Variants in KLHL29 observed in about 807,000 individuals in gnomAD.
KLHL29 encodes the protein kelch-like protein 29.
In KLHL29, 21 loss-of-function variants were observed where a neutral mutation model predicts 80.4. That is an observed-to-expected ratio of 0.26 (90% confidence interval 0.19 to 0.38). The LOEUF is 0.38. KLHL29 is among the 10% of genes least tolerant of loss of function. The pLI is 1.00. For synonymous variants in KLHL29, 511 were observed against 526.8 expected (o/e 0.97, Z 0.41); for missense variants, 867 against 1,223.9 (o/e 0.71, Z 4.35).
chr2:23,519,145 A>G (rs933028087), intron 2 of KLHL29, among the ~76,000 whole-genome samples: 4 of 152,176 alleles, frequency 2.6e-5, no homozygotes, highest in African/African-American at 7.2e-5. Context: ...CCCAGAGGCT[A>G]TGTCAGAAGC....
At chr2:23,691,583 G>C in intron 6 of KLHL29, 91 bp from the exon 7 acceptor site, 1 of 1,102,086 alleles carries the variant, frequency 9.1e-7, no homozygotes, top group South Asian at 1.4e-5. Context: ...CCAAGGGCAT[G>C]ACCAAGGTGT....
chr2:23,388,989 C>CTT (rs10691490), intron 1 of KLHL29, among the ~76,000 whole-genome samples: 16 of 106,852 alleles, frequency 1.5e-4, no homozygotes, highest in East Asian at 2.7e-4. Flanking sequence ...CTTTCTTCTT[C>CTT]TTTTTTTTTT....
At position 23,703,319 on chromosome 2, in the gene KLHL29, G is replaced by A. The variant is rs3795947; in HGVS notation, c.2239G>A (p.Val747Ile). 8.0e-5 allele frequency: 123 copies of A among 1,545,906 alleles called. 1 individual carries two copies. In the East Asian group the frequency reaches 1.4e-3, roughly 18 times the overall value. The change falls in exon 12 of 14, where the codon GTC (valine) becomes ATC (isoleucine). Residue 747 changes from valine (V) to isoleucine (I), a missense_variant. Val to Ile is a conservative substitution (Grantham distance 29). Around this residue, in one of 2 missense-constraint regions of KLHL29, gnomAD observed 443 missense variants for 767.0 expected, o/e 0.58. Coordinates refer to ENST00000486442, the MANE Select transcript of KLHL29 (RefSeq NM_052920.2). ...GVNEAGRAAGVLQSYVPQTNT... is the reference protein window; with the variant it reads ...GVNEAGRAAGILQSYVPQTNT... ...GAACGAGGCAGGCCGAGCTGCCGGC[G>A]TCCTCCAGTCTTACGTTCCTCAGAC...
chr2:23,572,413 C>T (rs1429844283), intron 3 of KLHL29, among the ~76,000 whole-genome samples: 1 of 152,180 alleles, frequency 6.6e-6, no homozygotes, highest in Admixed American at 6.5e-5. Context: ...ATAATTTTTG[C>T]TTACGTTCCT....
At chr2:23,392,379 T>C (rs1666340959) in intron 1 of KLHL29, among the ~76,000 whole-genome samples, 1 of 152,232 alleles carries the variant, frequency 6.6e-6, no homozygotes, top group Non-Finnish European at 1.5e-5. Flanking sequence ...AAAATACCCT[T>C]GAGTTGATTT....
intron 2 of KLHL29, among the ~76,000 whole-genome samples, chr2:23,517,895 G>A (rs1197771291): frequency 1.3e-5 from 2 of 152,202 alleles, no homozygotes; most frequent in African/African-American, 4.8e-5. Flanking sequence ...GGGTTAATGA[G>A]ATGGAGAGTG....
chr2:23,565,407 T>C (rs1667564351), intron 3 of KLHL29, among the ~76,000 whole-genome samples: 1 of 151,712 alleles, frequency 6.6e-6, no homozygotes. Flanking sequence ...AAAAGGCAGG[T>C]CTTCAGATAA....
At chr2:23,667,851 G>T (rs535640539) in intron 5 of KLHL29, 1 of 152,506 alleles carries the variant, frequency 6.6e-6, no homozygotes, top group East Asian at 1.9e-4. Context: ...ATGTATGCTT[G>T]TGATCGGGAG....
At chr2:23,505,337 C>T (rs1291881435) in intron 2 of KLHL29, among the ~76,000 whole-genome samples, 15 of 152,202 alleles carry the variant, frequency 9.9e-5, no homozygotes, top group Non-Finnish European at 1.5e-4. Flanking sequence ...GGTGTTCTCT[C>T]GAGGCATGTG....
At chr2:23,468,511 T>C (rs1010318271) in intron 1 of KLHL29, among the ~76,000 whole-genome samples, 1 of 152,180 alleles carries the variant, frequency 6.6e-6, no homozygotes, top group Non-Finnish European at 1.5e-5. Flanking sequence ...CAAGAGGCCA[T>C]GCCCTAAAGG....
At chr2:23,620,217 G>A (rs1383358798) in intron 3 of KLHL29, among the ~76,000 whole-genome samples, 1 of 152,234 alleles carries the variant, frequency 6.6e-6, no homozygotes, top group Non-Finnish European at 1.5e-5. Flanking sequence ...CAGCCCAGGG[G>A]TGGTGAGAGG....
chr2:23,589,406 G>T (rs979442808), intron 3 of KLHL29, among the ~76,000 whole-genome samples: 1 of 152,226 alleles, frequency 6.6e-6, no homozygotes, highest in African/African-American at 2.4e-5. Flanking sequence ...AGGTGGAGGC[G>T]GCCCTGGGCC....
intron 2 of KLHL29, among the ~76,000 whole-genome samples, chr2:23,511,300 T>G (rs1314771914): frequency 6.6e-6 from 1 of 152,132 alleles, no homozygotes; most frequent in African/African-American, 2.4e-5. Context: ...AAATAAAGGG[T>G]ACAGCACAGC....
At position 23,522,208 on chromosome 2, in the gene KLHL29, G is replaced by A. The variant is rs535355253; in HGVS notation, c.-45-39944G>A. 2.6e-5 allele frequency among the ~76,000 whole-genome samples: 4 copies of A among 152,162 alleles called. No individual in the cohort carries two copies. The East Asian group carries it at 5.8e-4, about 22-fold the overall frequency. ...CTGTTGCCCAGGCTGGAGTGCAGTG[G>A]CATGATCTTGGCTCATGGCAACCTC... On this transcript the variant is annotated intron_variant, in intron 2 of 13. Coordinates refer to ENST00000486442, the MANE Select transcript of KLHL29 (RefSeq NM_052920.2).
chr2:23,526,685 C>T (rs1335443011), intron 2 of KLHL29, among the ~76,000 whole-genome samples: 1 of 152,152 alleles, frequency 6.6e-6, no homozygotes, highest in Non-Finnish European at 1.5e-5. Context: ...GCCCTCCACA[C>T]CCAGCTCACA....
intron 3 of KLHL29, among the ~76,000 whole-genome samples, chr2:23,594,434 A>G (rs1269110486): frequency 6.6e-6 from 1 of 151,746 alleles, no homozygotes; most frequent in Non-Finnish European, 1.5e-5. Context: ...AATCCCAGAC[A>G]CTCAGGAGCT....
At chr2:23,703,439 G>C in intron 12 of KLHL29, 60 bp downstream of exon 12, 1 of 1,358,182 alleles carries the variant, frequency 7.4e-7, no homozygotes, top group Non-Finnish European at 9.8e-7. Flanking sequence ...TTGCTGATTT[G>C]TTCAGTATCC....
chr2:23,627,750 G>C (rs1007968303), intron 3 of KLHL29, among the ~76,000 whole-genome samples: 1 of 152,062 alleles, frequency 6.6e-6, no homozygotes, highest in African/African-American at 2.4e-5. Context: ...CAAGAGTCGA[G>C]CTCTCAGTCG....
rs1671911281 is a variant in KLHL29 at position 23,695,729 on chromosome 2, G to A, written c.1649G>A (p.Arg550Gln). 4 of 1,551,486 alleles carry A rather than the reference G, an allele frequency of 2.6e-6. No individual in the cohort carries two copies. The highest frequency in any genetic ancestry group is 1.4e-5 in the African/African-American group (1 of 73,048). The change falls in exon 9 of 14, where the codon CGG (arginine) becomes CAG (glutamine). Residue 550 changes from arginine to glutamine, a missense_variant. Physicochemically the swap from Arg to Gln is conservative, Grantham distance 43. Coordinates refer to ENST00000486442, the MANE Select transcript of KLHL29 (RefSeq NM_052920.2). This position sits in a 1 kb window ranked among gnomAD's most constrained non-coding sequence, Gnocchi z 7.6. The stretch of plus-strand genomic sequence containing the variant: ...CTGATCAAGTCATCAGAAGCCTGCC[G>A]GGACCTGGTGAACGAGGCCAAACGC... ...EELIKSSEAC[R>Q]DLVNEAKRYH... is the part of the protein sequence containing the mutation.
Sources: gnomAD v4.1 joint callset for allele counts (sites outside exome capture counted in the v4.1 genomes callset) on GRCh38, gnomAD v4.1.1 for gene constraint, gnomAD v4.1.1 regional missense constraint, Gnocchi (gnomAD v3.1) non-coding constraint, MANE v1.5 for transcripts, NCBI Gene and HGNC (gene_info 2026-07-23, HGNC 2026-07-21) for gene names.